AGBL4: variants seen among roughly 807,000 people sequenced by gnomAD.
AGBL4 encodes cytosolic carboxypeptidase 6.
Under a neutral mutation model 66.4 loss-of-function variants are expected in AGBL4, and 58 were observed. The ratio of observed to expected loss-of-function variants is 0.87; its 90% confidence interval spans 0.71 to 1.09. The LOEUF (loss-of-function observed/expected upper bound fraction) is 1.09, where lower values mean the gene tolerates loss of function less well. Among genes scored for constraint, AGBL4 ranks in the 50% least tolerant of loss-of-function variants. The probability of loss-of-function intolerance (pLI) is 0.00; values close to 1 mark genes in which losing one functional copy is unlikely to be tolerated. For synonymous variants in AGBL4, 234 were observed against 222.9 expected (o/e 1.05, Z -0.44); for missense variants, 579 against 631.0 (o/e 0.92, Z 0.88).
intron 9 of AGBL4, among the ~76,000 whole-genome samples, chr1:48,592,066 C>T (rs192550468): frequency 3.0e-4 from 45 of 152,176 alleles, no homozygotes; most frequent in Non-Finnish European, 5.4e-4. Context: ...TCCAATCTTC[C>T]CTTCTTATAT....
chr1:48,752,558 T>G (rs1440839366), intron 6 of AGBL4, among the ~76,000 whole-genome samples: 1 of 152,200 alleles, frequency 6.6e-6, no homozygotes, highest in Non-Finnish European at 1.5e-5. Flanking sequence ...CATCCAGGGT[T>G]GACCAAAGAT....
chr1:49,845,089 T>G, intron 2 of AGBL4: 1 of 1,455,794 alleles, frequency 6.9e-7, no homozygotes, highest in Non-Finnish European at 9.6e-7. Flanking sequence ...ATGTCAGGAA[T>G]GCAGAAAGGC....
chr1:49,847,001 G>T (rs1476098086), intron 2 of AGBL4, among the ~76,000 whole-genome samples: 1 of 152,174 alleles, frequency 6.6e-6, no homozygotes, highest in Admixed American at 6.5e-5. Context: ...CAAAGCTGGA[G>T]ATATCAAATT....
chr1:49,883,489 T>C (rs571288500), intron 1 of AGBL4, among the ~76,000 whole-genome samples: 70 of 152,228 alleles, frequency 4.6e-4, no homozygotes, highest in South Asian at 3.3e-3. Flanking sequence ...CTAGTGATTA[T>C]GGTTTCTCAT....
At chr1:49,082,186 T>C (rs183882830) in intron 4 of AGBL4, among the ~76,000 whole-genome samples, 2 of 152,288 alleles carry the variant, frequency 1.3e-5, no homozygotes, top group East Asian at 1.9e-4. Context: ...CTGGGGTAGA[T>C]GTGATGTAGG....
chr1:49,658,905 T>C lies in AGBL4; in HGVS notation c.282+38408A>G, dbSNP rs570893440. Among the ~76,000 whole-genome samples, 280 of 152,116 alleles carry C rather than the reference T, an allele frequency of 1.8e-3. 1 individual carries two copies. The highest frequency in any genetic ancestry group is 6.5e-3 in the African/African-American group (269 of 41,496). On this transcript the variant is annotated intron_variant, in intron 3 of 13. Transcript: ENST00000371839. ...GGATAGCATTAGGAGATATACCTAA[T>C]GTAAATGACGAGTTAATGGGTTCAG...
At chr1:48,597,192 T>A (rs1645006523) in intron 9 of AGBL4, among the ~76,000 whole-genome samples, 1 of 151,928 alleles carries the variant, frequency 6.6e-6, no homozygotes, top group South Asian at 2.1e-4. Context: ...CTCACAGATT[T>A]AAAAAAAATA....
At chr1:49,025,544 CTA>C (rs1235379433) in intron 5 of AGBL4, 26 of 152,244 alleles carry the variant, frequency 1.7e-4, no homozygotes, top group African/African-American at 6.0e-4. Flanking sequence ...TTCTTCTTGG[CTA>C]TGACATTCTA....
intron 3 of AGBL4, among the ~76,000 whole-genome samples, chr1:49,528,306 A>C (rs1650829639): frequency 6.6e-6 from 1 of 152,070 alleles, no homozygotes; most frequent in African/African-American, 2.4e-5. Context: ...ATCTTATTAT[A>C]AACTCTTGTT....
chr1:49,737,325 A>C (rs572634629), intron 2 of AGBL4, among the ~76,000 whole-genome samples: 11 of 152,224 alleles, frequency 7.2e-5, no homozygotes, highest in Non-Finnish European at 7.3e-5. Flanking sequence ...AATGCGGTAC[A>C]TATATACCAT....
chr1:49,146,877 G>T (rs1352493771), intron 4 of AGBL4, among the ~76,000 whole-genome samples: 1 of 152,246 alleles, frequency 6.6e-6, no homozygotes, highest in African/African-American at 2.4e-5. Context: ...GGCACAGCCT[G>T]GTAGCAGTGA....
chr1:49,704,446 T>C (rs1490320204), intron 2 of AGBL4, among the ~76,000 whole-genome samples: 3 of 152,012 alleles, frequency 2.0e-5, no homozygotes, highest in African/African-American at 7.2e-5. Context: ...TATACAAAAA[T>C]TACCTCAAAA....
chr1:49,554,002 T>G (rs1653192382), intron 3 of AGBL4, among the ~76,000 whole-genome samples: 1 of 152,060 alleles, frequency 6.6e-6, no homozygotes, highest in African/African-American at 2.4e-5. Context: ...TAGCTGGCGT[T>G]AGTGGTGCAA....
At chr1:50,004,209 G>C (rs1196416150) in intron 1 of AGBL4, among the ~76,000 whole-genome samples, 1 of 152,184 alleles carries the variant, frequency 6.6e-6, no homozygotes, top group African/African-American at 2.4e-5. Flanking sequence ...ACACTGAGCA[G>C]AAATCAACCA....
At chr1:49,421,984 T>C (rs1461405173) in intron 3 of AGBL4, among the ~76,000 whole-genome samples, 1 of 152,232 alleles carries the variant, frequency 6.6e-6, no homozygotes, top group African/African-American at 2.4e-5. Context: ...AATGTGTCTT[T>C]CATTGCAGTA....
At chr1:48,877,615 A>G (rs1354224583) in intron 5 of AGBL4, among the ~76,000 whole-genome samples, 1 of 152,196 alleles carries the variant, frequency 6.6e-6, no homozygotes, top group Admixed American at 6.5e-5. Flanking sequence ...AGAAAAAAAT[A>G]AGGATAGGCA....
At chr1:48,751,798 G>A (rs1298554988) in intron 6 of AGBL4, among the ~76,000 whole-genome samples, 1 of 152,198 alleles carries the variant, frequency 6.6e-6, no homozygotes, top group Non-Finnish European at 1.5e-5. Flanking sequence ...GGGACAGCCT[G>A]GAGTTGTCCC....
chr1:49,938,614 G>A (rs934016632), intron 1 of AGBL4, among the ~76,000 whole-genome samples: 22 of 152,176 alleles, frequency 1.4e-4, no homozygotes, highest in African/African-American at 5.1e-4. Flanking sequence ...CTGGCAAACC[G>A]AATCCAACAG....
chr1:49,361,774 C>T (rs1427176867), intron 3 of AGBL4, among the ~76,000 whole-genome samples: 2 of 152,108 alleles, frequency 1.3e-5, no homozygotes, highest in Non-Finnish European at 2.9e-5. Flanking sequence ...CACATACACA[C>T]ACACGCACGC....
Sources: gnomAD v4.1 joint callset for allele counts (sites outside exome capture counted in the v4.1 genomes callset) on GRCh38, gnomAD v4.1.1 for gene constraint, MANE v1.5 for transcripts, NCBI Gene and HGNC (gene_info 2026-07-23, HGNC 2026-07-21) for gene names.